Variants in ACSS1 observed in about 807,000 individuals in gnomAD.
ACSS1 encodes acetyl-coenzyme A synthetase 2-like, mitochondrial.
A neutral mutation model predicts 75.3 loss-of-function variants in ACSS1; 42 were observed. That is an observed-to-expected ratio of 0.56 (90% CI 0.44 to 0.72). The LOEUF is 0.72. Ranked by LOEUF, ACSS1 falls within the 30% of genes least tolerant of loss-of-function variation. ACSS1 has a pLI of 0.00. For missense variants in ACSS1, 782 were observed against 935.7 expected (o/e 0.84, Z 2.14); for synonymous variants, 380 against 376.8 (o/e 1.01, Z -0.10).
intron 5 of ACSS1, among the ~76,000 whole-genome samples, chr20:25,022,078 C>T (rs1341842733): frequency 2.0e-5 from 3 of 152,090 alleles, no homozygotes; most frequent in East Asian, 1.9e-4. Flanking sequence ...TATTTTAGGC[C>T]GGACACGGTG....
At chr20:25,014,119 G>A (rs1380720797) in intron 8 of ACSS1, 46 bp from the exon 9 acceptor site, 1 of 1,478,852 alleles carries the variant, frequency 6.8e-7, no homozygotes, top group South Asian at 1.2e-5. Flanking sequence ...CCCGGACCCA[G>A]GGATACGTGT....
chr20:25,034,650 C>A (rs1225610643), intron 2 of ACSS1, among the ~76,000 whole-genome samples: 1 of 151,862 alleles, frequency 6.6e-6, no homozygotes, highest in East Asian at 1.9e-4. Flanking sequence ...CTCACTGCAA[C>A]CTCCACCTCC....
At chr20:25,039,702 C>A (rs1462032547) in intron 2 of ACSS1, among the ~76,000 whole-genome samples, 1 of 152,240 alleles carries the variant, frequency 6.6e-6, no homozygotes, top group Non-Finnish European at 1.5e-5. Flanking sequence ...TAACCAGAGC[C>A]CAGGATGCAG....
At chr20:25,020,480 C>T (rs539414937) in intron 6 of ACSS1, among the ~76,000 whole-genome samples, 22 of 152,236 alleles carry the variant, frequency 1.4e-4, no homozygotes, top group Non-Finnish European at 3.1e-4. Context: ...AGCTTTCACT[C>T]GATCACACTC....
chr20:25,025,175 T>C (rs2088694367), intron 3 of ACSS1, among the ~76,000 whole-genome samples: 1 of 152,166 alleles, frequency 6.6e-6, no homozygotes, highest in African/African-American at 2.4e-5. Context: ...CCATGCAACA[T>C]GCTGAAATCA....
intron 1 of ACSS1, among the ~76,000 whole-genome samples, chr20:25,050,813 C>A (rs183815998): frequency 1.3e-5 from 2 of 152,144 alleles, no homozygotes; most frequent in East Asian, 3.9e-4. Flanking sequence ...CATTTTATAC[C>A]AAGCAGGAAG....
intron 2 of ACSS1, among the ~76,000 whole-genome samples, chr20:25,047,695 C>T (rs2089117639): frequency 6.6e-6 from 1 of 152,170 alleles, no homozygotes; most frequent in Non-Finnish European, 1.5e-5. Flanking sequence ...GCTGCACCAA[C>T]ACAGCAGCCC....
In ACSS1 at chr20:25,057,882, C is replaced by T; in HGVS notation, c.221G>A (p.Gly74Glu). 2 of 1,612,526 alleles carry T rather than the reference C, an allele frequency of 1.2e-6. No individual in the cohort carries two copies. Among genetic ancestry groups the T allele is most frequent in the Non-Finnish European group, 1.7e-6 (2 of 1,179,656 alleles). Reference protein sequence around the residue: ...QAAREPAAFWGPLARDTLVWD... With the variant: ...QAAREPAAFWEPLARDTLVWD... ...CACGAGAGTGTCCCGCGCCAGAGGCCCCCAGAAGGCGGCCGGCTCCCGGGC... is the reference window on the plus strand; with the variant it reads ...CACGAGAGTGTCCCGCGCCAGAGGCTCCCAGAAGGCGGCCGGCTCCCGGGC... Residue 74 changes from glycine (G) to glutamate (E), a missense_variant, in exon 1 of 14, where the codon GGG (glycine) becomes GAG (glutamate). Around this residue, in one of 2 missense-constraint regions of ACSS1, gnomAD observed 377 missense variants for 383.1 expected, o/e 0.98. Coordinates refer to ENST00000323482, the MANE Select transcript of ACSS1 (RefSeq NM_032501.4).
chr20:25,008,382 G>A (rs1018835728), intron 13 of ACSS1, among the ~76,000 whole-genome samples: 6 of 152,262 alleles, frequency 3.9e-5, no homozygotes, highest in African/African-American at 1.4e-4. Context: ...CTAACATGGA[G>A]CATGCTCAAA....
Sources: allele counts gnomAD v4.1 joint callset (sites outside exome capture counted in the v4.1 genomes callset), GRCh38; gene constraint gnomAD v4.1.1; regional missense constraint gnomAD v4.1.1; transcripts MANE v1.5; gene names NCBI Gene and HGNC (gene_info 2026-07-23, HGNC 2026-07-21).